Variants in CACHD1 observed in about 807,000 individuals in gnomAD.
CACHD1 encodes VWFA and cache domain-containing protein 1.
In CACHD1, 71 loss-of-function variants were observed where a neutral mutation model predicts 138.7. That is an observed-to-expected ratio of 0.51 (90% CI 0.42 to 0.62). The LOEUF (loss-of-function observed/expected upper bound fraction) is 0.62. CACHD1 is among the 20% of genes least tolerant of loss of function. The pLI is 0.00. For synonymous variants in CACHD1, 578 were observed against 591.5 expected (o/e 0.98, Z 0.33); for missense variants, 1,389 against 1,625.3 (o/e 0.85, Z 2.50).
chr1:64,597,542 T>TGC (rs1277492575), intron 3 of CACHD1, among the ~76,000 whole-genome samples: 5 of 148,952 alleles, frequency 3.4e-5, no homozygotes, highest in Non-Finnish European at 7.4e-5. Flanking sequence ...TTTTTTTTTT[T>TGC]TTTTTTTTAA....
intron 10 of CACHD1, among the ~76,000 whole-genome samples, 163 bp downstream of exon 10, chr1:64,652,473 T>C (rs1649129012): frequency 6.6e-6 from 1 of 152,202 alleles, no homozygotes; most frequent in South Asian, 2.1e-4. Context: ...GCAGAGTGGA[T>C]CTCCAAATTA....
intron 16 of CACHD1, among the ~76,000 whole-genome samples, chr1:64,668,536 C>G (rs1255821664): frequency 6.6e-6 from 1 of 151,992 alleles, no homozygotes; most frequent in Non-Finnish European, 1.5e-5. Context: ...AGAGAAAACT[C>G]CAGATTCAAA....
At chr1:64,475,297 C>G (rs1456794502) in intron 1 of CACHD1, among the ~76,000 whole-genome samples, 1 of 147,516 alleles carries the variant, frequency 6.8e-6, no homozygotes, top group Non-Finnish European at 1.5e-5. Context: ...TCTTGAGTAG[C>G]TGAGACTACA....
intron 1 of CACHD1, among the ~76,000 whole-genome samples, chr1:64,486,799 A>C (rs999366431): frequency 6.6e-6 from 1 of 152,218 alleles, no homozygotes; most frequent in Non-Finnish European, 1.5e-5. Flanking sequence ...CCTGCCTTTA[A>C]GGAGCTTACA....
chr1:64,482,819 C>T (rs1430804065), intron 1 of CACHD1, among the ~76,000 whole-genome samples: 1 of 152,084 alleles, frequency 6.6e-6, no homozygotes, highest in Non-Finnish European at 1.5e-5. Flanking sequence ...CAAATGTAGG[C>T]AAGAGTTACA....
At position 64,530,937 on chromosome 1, in the gene CACHD1, T is replaced by TTTG. The variant is rs1355127201; in HGVS notation, c.199-19655_199-19654insGTT. 2.7e-3 allele frequency among the ~76,000 whole-genome samples: 409 copies of TTTG among 149,154 alleles called. 3 individuals carry two copies. The highest frequency in any genetic ancestry group is 9.7e-3 in the African/African-American group (397 of 41,086). On this transcript the variant is annotated intron_variant, in intron 1 of 26. Transcript: ENST00000651257. ...CATTCCATCGTGTTTTTTTTTGTTTTTTTTTTTTTTAGAAGGAAGAATGAA... is the reference window on the plus strand; with the variant it reads ...CATTCCATCGTGTTTTTTTTTGTTTTTTGTTTTTTTTTTAGAAGGAAGAATGAA...
intron 9 of CACHD1, among the ~76,000 whole-genome samples, chr1:64,649,267 G>A (rs1649012861): frequency 6.6e-6 from 1 of 152,108 alleles, no homozygotes; most frequent in Non-Finnish European, 1.5e-5. Context: ...TGTGATCATA[G>A]TTCACTGCAG....
At position 64,681,286 on chromosome 1, in the gene CACHD1, G is replaced by A. The variant is rs761295739; in HGVS notation, c.3435G>A (p.Glu1145=). 11 of 1,613,920 alleles carry A rather than the reference G, an allele frequency of 6.8e-6. No individual in the cohort carries two copies. The highest frequency in any genetic ancestry group is 8.5e-6 in the Non-Finnish European group (10 of 1,179,842). ...QEMSVRMSNL[E]NDRDERDDDS... ...TGTCAGTGCGTATGTCCAACCTGGA[G>A]AATGACAGAGATGAAAGGGACGACG... The change falls in exon 25 of 27, where the codon GAG becomes GAA. Residue 1145 remains glutamate (E), a synonymous_variant. Coordinates refer to ENST00000651257, the MANE Select transcript of CACHD1 (RefSeq NM_020925.4).
intron 15 of CACHD1, 121 bp from the exon 16 acceptor site, chr1:64,665,936 C>T (rs1649617150): frequency 8.5e-6 from 4 of 468,188 alleles, no homozygotes; most frequent in Admixed American, 3.9e-5. Flanking sequence ...ACCCAGGAGG[C>T]GGAGCTTGCA....
intron 2 of CACHD1, among the ~76,000 whole-genome samples, chr1:64,581,048 T>C (rs1240228031): frequency 6.6e-6 from 1 of 152,226 alleles, no homozygotes; most frequent in African/African-American, 2.4e-5. Context: ...TTAAACATTA[T>C]ACTCATATCC....
chr1:64,658,733 T>C lies in CACHD1; in HGVS notation c.1811T>C (p.Ile604Thr), dbSNP rs374858674. ...CAAGACACTTCCTTTATTCTGTGTA[T>C]TGTGGTGATACAACCAGAAATACCT... ...MVQDTSFILC[I>T]VVIQPEIPVK... The change falls in exon 13 of 27, where the codon ATT (isoleucine) becomes ACT (threonine). Residue 604 changes from isoleucine to threonine, a missense_variant. This residue lies in a region of CACHD1 where 1,000 missense variants were observed against 1,114.7 expected (regional missense o/e 0.90). Transcript: ENST00000651257. The C allele has an allele frequency of 2.5e-5, 41 of 1,611,876 alleles. No homozygotes were observed. Among genetic ancestry groups the C allele is most frequent in the Non-Finnish European group, 3.1e-5 (37 of 1,178,922 alleles).
chr1:64,568,180 GTTTTA>G (rs1646897992), intron 2 of CACHD1, among the ~76,000 whole-genome samples: 1 of 152,060 alleles, frequency 6.6e-6, no homozygotes, highest in Non-Finnish European at 1.5e-5. Flanking sequence ...GTTTTGTTTT[GTTTTA>G]AAGTAAGTAC....
intron 6 of CACHD1, among the ~76,000 whole-genome samples, chr1:64,633,572 G>A (rs1648390867): frequency 6.6e-6 from 1 of 152,138 alleles, no homozygotes; most frequent in Non-Finnish European, 1.5e-5. Flanking sequence ...CTCAGAGAGA[G>A]GTGTGGGTAC....
rs373311388 is a variant in CACHD1, at chr1:64,673,198, C to G, written c.2551C>G (p.Pro851Ala). 1.4e-5 allele frequency: 23 copies of G among 1,613,748 alleles called. No homozygotes were observed. The highest frequency in any genetic ancestry group is 1.9e-5 in the Non-Finnish European group (23 of 1,179,994). Residue 851 changes from proline (P) to alanine (A), a missense_variant, in exon 18 of 27, where the codon CCG becomes GCG. Pro to Ala is a conservative substitution (Grantham distance 27). This residue lies in a region of CACHD1 where 1,000 missense variants were observed against 1,114.7 expected (regional missense o/e 0.90). Transcript: ENST00000651257. ...MEDRGYLVAH[P>A]TLIDPKGHAP... ...GGACAGGGGTTATCTGGTGGCGCAC[C>G]CGACTCTCATCGACCCCAAAGGACA...
At chr1:64,497,141 CAT>C (rs562352859) in intron 1 of CACHD1, among the ~76,000 whole-genome samples, 30 of 152,242 alleles carry the variant, frequency 2.0e-4, no homozygotes, top group Non-Finnish European at 4.0e-4. Context: ...GAGAAAGAGA[CAT>C]AGTCTGTAAT....
intron 16 of CACHD1, among the ~76,000 whole-genome samples, chr1:64,669,031 C>T (rs1431660752): frequency 6.6e-6 from 1 of 152,086 alleles, no homozygotes; most frequent in African/African-American, 2.4e-5. Flanking sequence ...TTTGTTTCCC[C>T]ACTTAGGAAA....
intron 7 of CACHD1, among the ~76,000 whole-genome samples, chr1:64,634,994 T>C (rs1372770423): frequency 1.4e-4 from 1 of 7,134 alleles, no homozygotes; most frequent in Non-Finnish European, 2.9e-4. Flanking sequence ...AGACTCTGTC[T>C]CAAAAAAAAA....
intron 19 of CACHD1, 94 bp downstream of exon 19, chr1:64,673,558 C>A: frequency 2.0e-6 from 2 of 1,023,442 alleles, no homozygotes; most frequent in Non-Finnish European, 3.1e-6. Context: ...TTATTCCTAC[C>A]TGTTTCATCG....
Position 64,514,948 on chromosome 1 carries a change from C to T in CACHD1, c.199-35646C>T, listed in dbSNP as rs1646448190. Among the ~76,000 whole-genome samples the T allele has an allele frequency of 5.3e-5, 8 of 152,078 alleles. No homozygotes were observed. In the South Asian group the frequency reaches 1.5e-3, roughly 28 times the overall value. ...GCAAAGTTGACTGGTTCCTAGGTTC[C>T]GGAGCTCATATTTGCCCCCTTGGTC... On this transcript the variant is annotated intron_variant, in intron 1 of 26. Coordinates refer to ENST00000651257, the MANE Select transcript of CACHD1 (RefSeq NM_020925.4).
Sources: gnomAD v4.1 joint callset for allele counts (sites outside exome capture counted in the v4.1 genomes callset) on GRCh38, gnomAD v4.1.1 for gene constraint, gnomAD v4.1.1 regional missense constraint, MANE v1.5 for transcripts, NCBI Gene and HGNC (gene_info 2026-07-23, HGNC 2026-07-21) for gene names.